EED: variants seen among roughly 807,000 people sequenced by gnomAD.
EED encodes the protein polycomb protein EED.
Under a neutral mutation model 61.0 loss-of-function variants are expected in EED, and 9 were observed. The observed-to-expected ratio is 0.15, with a 90% CI of 0.09 to 0.26. The LOEUF (loss-of-function observed/expected upper bound fraction) is 0.26, where lower values mean the gene tolerates loss of function less well. EED is among the 10% of genes least tolerant of loss of function. The probability of loss-of-function intolerance (pLI) is 1.00; values close to 1 mark genes in which losing one functional copy is unlikely to be tolerated. For synonymous variants in EED, 187 were observed against 174.4 expected (o/e 1.07, Z -0.57); for missense variants, 315 against 542.3 (o/e 0.58, Z 4.16).
At chr11:86,252,800 C>T (rs968438989) in intron 3 of EED, among the ~76,000 whole-genome samples, 1 of 152,072 alleles carries the variant, frequency 6.6e-6, no homozygotes, top group South Asian at 2.1e-4. Context: ...TTACTCCTTC[C>T]TCCAGGATGG....
intron 1 of EED, among the ~76,000 whole-genome samples, chr11:86,249,767 T>C (rs551052624): frequency 8.5e-5 from 13 of 152,368 alleles, no homozygotes; most frequent in Non-Finnish European, 1.5e-4. Context: ...AAGCAGAATT[T>C]GAATAACAGG....
At chr11:86,255,152 T>C in intron 3 of EED, 70 bp from the exon 4 acceptor site, 1 of 1,213,382 alleles carries the variant, frequency 8.2e-7, no homozygotes, top group Non-Finnish European at 1.2e-6. Context: ...GATTAAAATA[T>C]GTTTAAAAGT....
At chr11:86,272,943 G>A (rs983700275) in intron 9 of EED, among the ~76,000 whole-genome samples, 1 of 151,732 alleles carries the variant, frequency 6.6e-6, no homozygotes, top group Non-Finnish European at 1.5e-5. Context: ...CTAACTTTCT[G>A]GGTTACATGA....
chr11:86,252,738 G>C (rs188516660), intron 3 of EED, among the ~76,000 whole-genome samples: 1 of 151,108 alleles, frequency 6.6e-6, no homozygotes, highest in African/African-American at 2.5e-5. Context: ...GTAGTGTTTG[G>C]TGGTGATTGT....
intron 7 of EED, chr11:86,265,880 A>C (rs1175800005): frequency 1.3e-5 from 5 of 386,170 alleles, no homozygotes; most frequent in Non-Finnish European, 1.8e-5. Context: ...AAATGCTCTT[A>C]TATTCCGATG....
chr11:86,284,010 T>A, the EED span: 1 of 152,242 alleles, frequency 6.6e-6, no homozygotes, highest in Non-Finnish European at 1.5e-5. Flanking sequence ...GTCTCCCACT[T>A]TGACTGCAGT....
At chr11:86,281,250 TAGAAAC>T (rs1212947940), downstream of EED, among the ~76,000 whole-genome samples, 7 of 152,192 alleles carry the variant, frequency 4.6e-5, no homozygotes, top group African/African-American at 1.7e-4. Flanking sequence ...AAATGTTTAA[TAGAAAC>T]AGAAAAGTGC....
At position 86,245,292 on chromosome 11, in the gene EED, G is replaced by A; in HGVS notation, c.63G>A (p.Gln21=). 2 of 1,613,662 alleles carry A rather than the reference G, an allele frequency of 1.2e-6. No homozygotes were observed. Among genetic ancestry groups the A allele is most frequent in the African/African-American group, 1.3e-5 (1 of 75,032 alleles). ...CAGACATGCCTGCGGCCAAGAAGCA[G>A]AAGCTGAGCAGTGACGAGAACAGCA... The part of the protein sequence containing the change: ...AGTDMPAAKK[Q]KLSSDENSNP... The change falls in exon 1 of 12, where the codon CAG becomes CAA. Residue 21 remains glutamine (Q), a synonymous_variant. Coordinates refer to ENST00000263360, the MANE Select transcript of EED (RefSeq NM_003797.5).
chr11:86,264,631 A>G (rs574904932), intron 7 of EED: 2 of 163,260 alleles, frequency 1.2e-5, no homozygotes, highest in Middle Eastern at 5.9e-3. Context: ...CTTTTGTTTG[A>G]AGTTGAAACA....
chr11:86,256,337 C>T (rs1945673362), intron 4 of EED, 50 bp from the exon 5 acceptor site: 1 of 1,450,872 alleles, frequency 6.9e-7, no homozygotes. Context: ...TAATTATTGA[C>T]ATGTTTCTTT....
chr11:86,268,609 GTGTGTGTGTGTGTGTGTA>G (rs1946040179), intron 9 of EED, 48 bp downstream of exon 9: 2 of 1,164,574 alleles, frequency 1.7e-6, no homozygotes, highest in Non-Finnish European at 2.5e-6. Flanking sequence ...GTGTGTGTGT[GTGTGTGTGTGTGTGTGTA>G]TGTGTGTGCG....
intron 3 of EED, among the ~76,000 whole-genome samples, chr11:86,253,738 GAC>G (rs1945593920): frequency 1.3e-5 from 2 of 152,014 alleles, no homozygotes; most frequent in Non-Finnish European, 2.9e-5. Context: ...TTGCTAATGT[GAC>G]TGACTATAAG....
intron 3 of EED, among the ~76,000 whole-genome samples, chr11:86,254,013 A>C (rs942879241): frequency 7.6e-6 from 1 of 130,966 alleles, no homozygotes; most frequent in Non-Finnish European, 1.6e-5. Flanking sequence ...ATGCCATTGC[A>C]CTCCAGTCTG....
At chr11:86,277,816 C>T (rs1481019028) in intron 10 of EED, 102 bp from the exon 11 acceptor site, 2 of 1,176,850 alleles carry the variant, frequency 1.7e-6, no homozygotes, top group South Asian at 2.0e-5. Context: ...GAGGCTGGAA[C>T]TGAGCTTTTT....
chr11:86,245,264 G>A lies in EED; in HGVS notation c.35G>A (p.Gly12Glu), dbSNP rs907459561. 1 of 1,613,524 alleles carries A rather than the reference G, an allele frequency of 6.2e-7. No individual in the cohort carries two copies. Among genetic ancestry groups the A allele is most frequent in the Admixed American group, 1.7e-5 (1 of 59,976 alleles). Residue 12 changes from glycine to glutamate, a missense_variant, in exon 1 of 12, where the codon GGA becomes GAA. Coordinates refer to ENST00000263360, the MANE Select transcript of EED (RefSeq NM_003797.5). ...AGGGAAGTGTCGACTGCGCCGGCGG[G>A]AACAGACATGCCTGCGGCCAAGAAG... ...SEREVSTAPAGTDMPAAKKQK... is the reference protein window; with the variant it reads ...SEREVSTAPAETDMPAAKKQK...
intron 10 of EED, 44 bp from the exon 11 acceptor site, chr11:86,277,873 TG>T: frequency 6.7e-7 from 1 of 1,494,952 alleles, no homozygotes. Flanking sequence ...CTTTAGAACC[TG>T]GTAATTTTAT....
At position 86,269,895 on chromosome 11, in the gene EED, C is replaced by G. The variant is rs187973694; in HGVS notation, c.966+1334C>G. ...GGATTACCATAGTTTATGTAACTATCTATGGTAGGAGGTTTTGGTCATTTC... is the reference window on the plus strand; with the variant it reads ...GGATTACCATAGTTTATGTAACTATGTATGGTAGGAGGTTTTGGTCATTTC... On this transcript the variant is annotated intron_variant, in intron 9 of 11. Coordinates refer to ENST00000263360, the MANE Select transcript of EED (RefSeq NM_003797.5). Among the ~76,000 whole-genome samples, 11 of 152,192 alleles carry G rather than the reference C, an allele frequency of 7.2e-5. No homozygotes were observed. The East Asian group carries it at 2.1e-3, about 29-fold the overall frequency.
chr11:86,265,901 A>T, intron 7 of EED, 182 bp from the exon 8 acceptor site: 1 of 444,478 alleles, frequency 2.2e-6, no homozygotes, highest in Non-Finnish European at 3.9e-6. Flanking sequence ...TTGACAAACT[A>T]ATTAAAGCTG....
intron 9 of EED, among the ~76,000 whole-genome samples, chr11:86,272,927 TC>T (rs1946150413): frequency 6.6e-6 from 1 of 152,238 alleles, no homozygotes; most frequent in Non-Finnish European, 1.5e-5. Flanking sequence ...CTGAGTTTTT[TC>T]CCCCCTAACT....
Sources: gnomAD v4.1 joint callset for allele counts (sites outside exome capture counted in the v4.1 genomes callset) on GRCh38, gnomAD v4.1.1 for gene constraint, MANE v1.5 for transcripts, NCBI Gene and HGNC (gene_info 2026-07-23, HGNC 2026-07-21) for gene names.